The following ROBO2 variants were observed in gnomAD, a reference collection of about 807,000 sequenced individuals.
ROBO2 encodes roundabout homolog 2.
Under a neutral mutation model 160.8 loss-of-function variants are expected in ROBO2, and 53 were observed. The observed-to-expected ratio is 0.33, with a 90% CI of 0.26 to 0.41. ROBO2 has a LOEUF of 0.41. Among genes scored for constraint, ROBO2 ranks in the 10% least tolerant of loss-of-function variants. The pLI, the probability that ROBO2 is intolerant of heterozygous loss-of-function variation, is 1.00. For missense variants in ROBO2, 1,577 were observed against 1,722.4 expected (o/e 0.92, Z 1.49); for synonymous variants, 664 against 611.7 (o/e 1.09, Z -1.26).
At chr3:76,332,950 TAAAAC>T (rs2073601817) in intron 2 of ROBO2, among the ~76,000 whole-genome samples, 1 of 152,198 alleles carries the variant, frequency 6.6e-6, no homozygotes, top group Admixed American at 6.5e-5. Context: ...GAGGACTTGT[TAAAAC>T]AAATTGATGA....
At chr3:76,644,442 C>G (rs547727817) in intron 2 of ROBO2, among the ~76,000 whole-genome samples, 1 of 152,308 alleles carries the variant, frequency 6.6e-6, no homozygotes, top group East Asian at 1.9e-4. Flanking sequence ...TGCCACAGCT[C>G]TATCTTGCGC....
intron 2 of ROBO2, among the ~76,000 whole-genome samples, chr3:75,974,870 G>T (rs1260034745): frequency 4.0e-5 from 6 of 151,444 alleles, no homozygotes; most frequent in African/African-American, 1.5e-4. Flanking sequence ...AAAATAGTTT[G>T]TTGATCCCAT....
At chr3:76,996,765 A>C (rs2061037851) in intron 2 of ROBO2, among the ~76,000 whole-genome samples, 1 of 152,198 alleles carries the variant, frequency 6.6e-6, no homozygotes, top group Non-Finnish European at 1.5e-5. Context: ...AAGAGAGTTT[A>C]ACAAAGTAAA....
chr3:76,572,925 C>T (rs1379531125), intron 2 of ROBO2, among the ~76,000 whole-genome samples: 1 of 152,112 alleles, frequency 6.6e-6, no homozygotes, highest in Non-Finnish European at 1.5e-5. Flanking sequence ...TAGCTTCTGT[C>T]CCAGGTCTTT....
chr3:77,023,723 A>G (rs1347515048), intron 2 of ROBO2, among the ~76,000 whole-genome samples: 1 of 152,206 alleles, frequency 6.6e-6, no homozygotes, highest in Non-Finnish European at 1.5e-5. Context: ...GCCTCTTTCA[A>G]ACATAAAACT....
chr3:76,965,586 T>G (rs1159718010), intron 2 of ROBO2, among the ~76,000 whole-genome samples: 1 of 151,944 alleles, frequency 6.6e-6, no homozygotes, highest in Non-Finnish European at 1.5e-5. Context: ...ATCCAAATCT[T>G]TGTTTCTACA....
At chr3:76,267,206 A>G (rs985004192) in intron 2 of ROBO2, among the ~76,000 whole-genome samples, 1 of 152,166 alleles carries the variant, frequency 6.6e-6, no homozygotes, top group African/African-American at 2.4e-5. Context: ...TAGTCAAACC[A>G]TCTCTTTGTC....
At chr3:77,274,040 A>C (rs1023461542) in intron 2 of ROBO2, among the ~76,000 whole-genome samples, 7 of 152,098 alleles carry the variant, frequency 4.6e-5, no homozygotes, top group Non-Finnish European at 1.0e-4. Context: ...TGAAGTTATT[A>C]ATAAAATTAT....
Position 77,607,787 on chromosome 3 carries a change from A to G in ROBO2, c.3137-11A>G, listed in dbSNP as rs1271115089. The G allele has an allele frequency of 2.5e-6, 4 of 1,612,462 alleles. No individual in the cohort carries two copies. The highest frequency in any genetic ancestry group is 3.4e-6 in the Non-Finnish European group (4 of 1,178,580). On this transcript the variant is annotated splice_polypyrimidine_tract_variant and intron_variant, in intron 20 of 25. Transcript: ENST00000461745. ...TTTGGCATCTCTGAATAAATACGTT[A>G]TTACTTTCAGGTGGGAAAGGTGGAA...
intron 13 of ROBO2, 56 bp downstream of exon 14, chr3:77,568,490 C>G (rs2093552998): frequency 6.3e-7 from 1 of 1,599,514 alleles, no homozygotes; most frequent in African/African-American, 1.3e-5. Context: ...GAAAGCAAAA[C>G]ATGGAAAATG....
chr3:76,023,322 T>G (rs1469389827), intron 2 of ROBO2, among the ~76,000 whole-genome samples: 2 of 151,776 alleles, frequency 1.3e-5, no homozygotes, highest in African/African-American at 4.8e-5. Flanking sequence ...GACCTAGCTT[T>G]TAGCCTCTCT....
At chr3:76,980,123 ACT>A (rs757962097) in intron 2 of ROBO2, among the ~76,000 whole-genome samples, 1 of 151,984 alleles carries the variant, frequency 6.6e-6, no homozygotes, top group African/African-American at 2.4e-5. Flanking sequence ...GGCACAGGAA[ACT>A]CTGCAAATGG....
At chr3:76,713,983 A>G (rs924572374) in intron 2 of ROBO2, among the ~76,000 whole-genome samples, 1 of 152,100 alleles carries the variant, frequency 6.6e-6, no homozygotes, top group African/African-American at 2.4e-5. Flanking sequence ...ATGAGACTTC[A>G]GAAAATTATA....
intron 2 of ROBO2, among the ~76,000 whole-genome samples, chr3:76,624,796 C>CAAAAAAAAAAAAAAAAAAA (rs57920315): frequency 8.6e-5 from 4 of 46,324 alleles, no homozygotes; most frequent in African/African-American, 2.1e-4. Context: ...GACTCCGTCT[C>CAAAAAAAAAAAAAAAAAAA]AAAAAAAAAA....
At chr3:76,781,758 A>C (rs1438662030) in intron 2 of ROBO2, among the ~76,000 whole-genome samples, 3 of 150,776 alleles carry the variant, frequency 2.0e-5, no homozygotes, top group African/African-American at 7.3e-5. Flanking sequence ...ATAGCGAATG[A>C]TTCTTTTAAT....
intron 2 of ROBO2, among the ~76,000 whole-genome samples, chr3:76,870,102 A>G (rs995928150): frequency 5.9e-5 from 9 of 152,184 alleles, no homozygotes; most frequent in Admixed American, 1.3e-4. Flanking sequence ...GGCTTCCAAC[A>G]TCCCTAAGCA....
chr3:76,754,094 CT>C (rs1330328022), intron 2 of ROBO2, among the ~76,000 whole-genome samples: 1 of 151,816 alleles, frequency 6.6e-6, no homozygotes, highest in Non-Finnish European at 1.5e-5. Flanking sequence ...AAAAGATAAA[CT>C]GCATTTCTAA....
chr3:76,872,728 T>A (rs1204996557), intron 2 of ROBO2, among the ~76,000 whole-genome samples: 2 of 151,982 alleles, frequency 1.3e-5, no homozygotes, highest in Non-Finnish European at 2.9e-5. Flanking sequence ...TGACATGATT[T>A]ATCTAAGGTT....
At chr3:77,060,018 C>G (rs2066138107) in intron 1 of ROBO2, among the ~76,000 whole-genome samples, 1 of 152,098 alleles carries the variant, frequency 6.6e-6, no homozygotes, top group Admixed American at 6.6e-5. Flanking sequence ...CATCACAAAT[C>G]AAACCAACTA....
Sources: allele counts gnomAD v4.1 joint callset (sites outside exome capture counted in the v4.1 genomes callset), GRCh38; gene constraint gnomAD v4.1.1; transcripts MANE v1.5; gene names NCBI Gene and HGNC (gene_info 2026-07-23, HGNC 2026-07-21).